The following UNC5D variants were observed in gnomAD, a reference collection of about 807,000 sequenced individuals.
UNC5D encodes netrin receptor UNC5D.
A neutral mutation model predicts 105.4 loss-of-function variants in UNC5D; 39 were observed. The ratio of observed to expected loss-of-function variants is 0.37; its 90% CI spans 0.29 to 0.48. The LOEUF (loss-of-function observed/expected upper bound fraction) is 0.48, where lower values mean the gene tolerates loss of function less well. Among genes scored for constraint, UNC5D ranks in the 20% least tolerant of loss-of-function variants. UNC5D has a pLI of 0.98. For synonymous variants in UNC5D, 452 were observed against 450.4 expected, an observed-to-expected ratio of 1.00 and a Z score of -0.04; for missense variants, 991 against 1,202.4, an observed-to-expected ratio of 0.82 and a Z score of 2.60.
chr8:35,542,652 G>A (rs1220783586), intron 1 of UNC5D, among the ~76,000 whole-genome samples: 1 of 152,146 alleles, frequency 6.6e-6, no homozygotes, highest in African/African-American at 2.4e-5. Flanking sequence ...TTCACTGAAT[G>A]TTTATTGAAT....
In UNC5D at chr8:35,722,349, A is replaced by C; in HGVS notation, c.1257A>C (p.Ala419=). ...DYGVDVIDSS[A]LTGGFQTFNF... is the part of the protein sequence containing the mutation. ...GCGTGGACGTCATTGACTCTTCTGC[A>C]TTGACAGGTGGCTTCCAGACCTTCA... The change falls in exon 9 of 17, where the codon GCA becomes GCC. Residue 419 remains alanine, a synonymous_variant. Coordinates refer to ENST00000404895, the MANE Select transcript of UNC5D (RefSeq NM_080872.4). 6.2e-7 allele frequency: 1 copy of C among 1,614,120 alleles called. No homozygotes were observed. The highest frequency in any genetic ancestry group is 8.5e-7 in the Non-Finnish European group (1 of 1,180,018).
chr8:35,533,023 G>A (rs1326588703), intron 1 of UNC5D, among the ~76,000 whole-genome samples: 63 of 143,632 alleles, frequency 4.4e-4, no homozygotes, highest in Middle Eastern at 3.5e-3. Flanking sequence ...TAATTTGATC[G>A]TCTGAAGCCT....
chr8:35,273,632 GA>G (rs1805574861), intron 1 of UNC5D, among the ~76,000 whole-genome samples: 1 of 152,140 alleles, frequency 6.6e-6, no homozygotes. Context: ...GGAAATTAGG[GA>G]AAATTAATAG....
At chr8:35,511,730 T>TA (rs931275368) in intron 1 of UNC5D, among the ~76,000 whole-genome samples, 31 of 129,838 alleles carry the variant, frequency 2.4e-4, no homozygotes, top group Admixed American at 8.1e-4. Context: ...GCTGATGAGC[T>TA]AAAAAAAAAA....
chr8:35,758,976 G>A (rs1031184945), intron 13 of UNC5D, among the ~76,000 whole-genome samples: 3 of 152,168 alleles, frequency 2.0e-5, no homozygotes, highest in African/African-American at 7.2e-5. Context: ...TGGTCAGAGA[G>A]TGAAATTCCT....
At chr8:35,279,591 T>C (rs1806005483) in intron 1 of UNC5D, among the ~76,000 whole-genome samples, 1 of 152,230 alleles carries the variant, frequency 6.6e-6, no homozygotes, top group Non-Finnish European at 1.5e-5. Context: ...GGAATCATTT[T>C]CCATGGCTGG....
intron 1 of UNC5D, among the ~76,000 whole-genome samples, chr8:35,245,734 C>T (rs534430482): frequency 1.3e-5 from 2 of 152,048 alleles, no homozygotes; most frequent in African/African-American, 2.4e-5. Context: ...CATTCTGCAG[C>T]GGAGAAGACC....
At chr8:35,477,617 T>C (rs1274126008) in intron 1 of UNC5D, among the ~76,000 whole-genome samples, 1 of 152,084 alleles carries the variant, frequency 6.6e-6, no homozygotes, top group Non-Finnish European at 1.5e-5. Context: ...CATGTGTGGC[T>C]ACTAAGTAAC....
chr8:35,697,140 T>C (rs1332536119), intron 7 of UNC5D, among the ~76,000 whole-genome samples: 3 of 148,318 alleles, frequency 2.0e-5, no homozygotes, highest in South Asian at 2.1e-4. Context: ...TATATATACA[T>C]ACACACACAC....
chr8:35,594,585 C>G (rs572268079), intron 3 of UNC5D, among the ~76,000 whole-genome samples: 34 of 152,112 alleles, frequency 2.2e-4, no homozygotes, highest in Non-Finnish European at 5.0e-4. Flanking sequence ...CAAGTGGCAG[C>G]AAGAATTACC....
At chr8:35,578,117 C>G (rs1452524063) in intron 3 of UNC5D, among the ~76,000 whole-genome samples, 1 of 150,070 alleles carries the variant, frequency 6.7e-6, no homozygotes, top group African/African-American at 2.5e-5. Flanking sequence ...CCCAGCTGCT[C>G]AGGAGGCTGA....
chr8:35,535,869 C>A (rs957935592), intron 1 of UNC5D, among the ~76,000 whole-genome samples: 2 of 152,120 alleles, frequency 1.3e-5, no homozygotes, highest in Non-Finnish European at 2.9e-5. Context: ...CAATATCCAA[C>A]TTTATTTGCA....
rs969722225 is a variant in UNC5D, at chr8:35,242,784, A to G, written c.103+6897A>G. Among the ~76,000 whole-genome samples the G allele has an allele frequency of 2.6e-5, 4 of 152,278 alleles. No homozygotes were observed. In the South Asian group the frequency reaches 8.3e-4, roughly 32 times the overall value. On this transcript the variant is annotated intron_variant, in intron 1 of 16. Coordinates refer to ENST00000404895, the MANE Select transcript of UNC5D (RefSeq NM_080872.4). ...CACCGTGCCTGGCCAGCAACTTATT[A>G]TTAAAGAGAACGTATTTACTCAATA...
At chr8:35,777,798 T>C (rs1479769017) in intron 16 of UNC5D, among the ~76,000 whole-genome samples, 1 of 152,210 alleles carries the variant, frequency 6.6e-6, no homozygotes, top group Admixed American at 6.5e-5. Flanking sequence ...TTTGCCTTGA[T>C]TTAGTAAAAC....
Position 35,380,254 on chromosome 8 carries a change from A to T in UNC5D, c.103+144367A>T, listed in dbSNP as rs7813828. Among the ~76,000 whole-genome samples the T allele has an allele frequency of 5.9e-3, 891 of 150,654 alleles. 9 individuals are homozygous for T. The highest frequency in any genetic ancestry group is 0.02 in the African/African-American group (832 of 40,942). ...GAGAGAGAGAGTGAGAGAGACCGAGACCTCTGGTCTCTTCACGTAAGGTCC... is the reference window on the plus strand; with the variant it reads ...GAGAGAGAGAGTGAGAGAGACCGAGTCCTCTGGTCTCTTCACGTAAGGTCC... On this transcript the variant is annotated intron_variant, in intron 1 of 16. Coordinates refer to ENST00000404895, the MANE Select transcript of UNC5D (RefSeq NM_080872.4).
At chr8:35,283,888 A>C (rs538737814) in intron 1 of UNC5D, among the ~76,000 whole-genome samples, 1 of 152,242 alleles carries the variant, frequency 6.6e-6, no homozygotes, top group East Asian at 1.9e-4. Flanking sequence ...AGCATTTCTC[A>C]AAGTTCCCCA....
At chr8:35,664,847 T>A (rs1424078629) in intron 4 of UNC5D, among the ~76,000 whole-genome samples, 1 of 151,910 alleles carries the variant, frequency 6.6e-6, no homozygotes, top group Non-Finnish European at 1.5e-5. Context: ...TTTATTTTAT[T>A]TTTATTTATT....
At chr8:35,259,744 G>A (rs1014900819) in intron 1 of UNC5D, among the ~76,000 whole-genome samples, 1 of 151,010 alleles carries the variant, frequency 6.6e-6, no homozygotes, top group African/African-American at 2.4e-5. Context: ...AAAGCTGACT[G>A]ATCTTTTTTT....
intron 1 of UNC5D, among the ~76,000 whole-genome samples, chr8:35,299,550 G>T (rs994625543): frequency 6.6e-6 from 1 of 152,088 alleles, no homozygotes; most frequent in Non-Finnish European, 1.5e-5. Context: ...TACATAAAGC[G>T]TGGCACTGTC....
Sources: allele counts gnomAD v4.1 joint callset (sites outside exome capture counted in the v4.1 genomes callset), GRCh38; gene constraint gnomAD v4.1.1; transcripts MANE v1.5; gene names NCBI Gene and HGNC (gene_info 2026-07-23, HGNC 2026-07-21).